Variants in SLC35D4 observed in about 807,000 individuals in gnomAD.
SLC35D4 encodes the protein UDP-N-acetylglucosamine transporter SLC35D4.
the SLC35D4 span, among the ~76,000 whole-genome samples, chr18:23,292,018 G>A: frequency 6.6e-6 from 1 of 152,176 alleles, no homozygotes; most frequent in African/African-American, 2.4e-5. Flanking sequence ...ATGAGTCCCA[G>A]CCACTTGAAC....
the SLC35D4 span, among the ~76,000 whole-genome samples, chr18:23,415,872 C>G: frequency 6.6e-6 from 1 of 152,150 alleles, no homozygotes; most frequent in South Asian, 2.1e-4. Context: ...CTATGTAGAG[C>G]CAATACTGGC....
the SLC35D4 span, among the ~76,000 whole-genome samples, chr18:23,328,443 T>C: frequency 4.6e-5 from 7 of 152,186 alleles, no homozygotes; most frequent in Non-Finnish European, 8.8e-5. Flanking sequence ...ATGAGTGAAG[T>C]CCCATTCACA....
the SLC35D4 span, among the ~76,000 whole-genome samples, chr18:23,319,244 CTTTATTTA>C: frequency 0.14 from 20,102 of 147,262 alleles, 1,571 homozygotes; most frequent in Middle Eastern, 0.21. Context: ...TATTTCAGTG[CTTTATTTA>C]TTTATTTATT....
At chr18:23,301,879 A>G in the SLC35D4 span, among the ~76,000 whole-genome samples, 26 of 152,382 alleles carry the variant, frequency 1.7e-4, no homozygotes, top group African/African-American at 6.0e-4. Flanking sequence ...AAAATGAACA[A>G]TTAAATAGAA....
chr18:23,242,195 T>C, the SLC35D4 span, among the ~76,000 whole-genome samples: 1 of 152,140 alleles, frequency 6.6e-6, no homozygotes, highest in Non-Finnish European at 1.5e-5. Context: ...GGAGAATCGC[T>C]TGAACCCAGG....
the SLC35D4 span, among the ~76,000 whole-genome samples, chr18:23,266,676 A>C: frequency 1.9e-4 from 29 of 152,248 alleles, no homozygotes; most frequent in African/African-American, 6.3e-4. Flanking sequence ...CTTTCTTGAA[A>C]CCAAATTCCC....
the SLC35D4 span, among the ~76,000 whole-genome samples, chr18:23,423,820 T>C: frequency 6.6e-6 from 1 of 152,068 alleles, no homozygotes; most frequent in East Asian, 1.9e-4. Flanking sequence ...AACAATGGCT[T>C]GATTCAAAGC....
At chr18:23,323,223 GT>G in the SLC35D4 span, among the ~76,000 whole-genome samples, 1 of 152,218 alleles carries the variant, frequency 6.6e-6, no homozygotes, top group South Asian at 2.1e-4. Context: ...CTCCAAGGCT[GT>G]GAGGATTTGT....
At chr18:23,279,781 TAGAG>T in the SLC35D4 span, among the ~76,000 whole-genome samples, 3 of 152,154 alleles carry the variant, frequency 2.0e-5, no homozygotes, top group Non-Finnish European at 4.4e-5. Flanking sequence ...TGTTGTTATA[TAGAG>T]AGACATATAT....
the SLC35D4 span, among the ~76,000 whole-genome samples, chr18:23,378,616 G>A: frequency 2.0e-5 from 3 of 152,176 alleles, no homozygotes; most frequent in African/African-American, 7.2e-5. Context: ...TTTGTACTGA[G>A]AACTCATTTG....
chr18:23,240,479 C>T, the SLC35D4 span, among the ~76,000 whole-genome samples: 4 of 152,344 alleles, frequency 2.6e-5, 1 homozygote. Flanking sequence ...CTCCAAAGAC[C>T]CTGGCTCCTT....
chr18:23,329,951 T>C, the SLC35D4 span, among the ~76,000 whole-genome samples: 1 of 152,058 alleles, frequency 6.6e-6, no homozygotes, highest in African/African-American at 2.4e-5. Flanking sequence ...ATCACAAGGA[T>C]AGAAAACCAA....
the SLC35D4 span, among the ~76,000 whole-genome samples, chr18:23,248,512 C>CTTTTTTTTTTTTTTTTT: frequency 3.0e-4 from 27 of 90,728 alleles, 1 homozygote; most frequent in South Asian, 8.6e-4. Flanking sequence ...GACCCTATGT[C>CTTTTTTTTTTTTTTTTT]TTTTTTTTTT....
the SLC35D4 span, chr18:23,356,795 T>C: frequency 1.0e-5 from 7 of 688,880 alleles, no homozygotes; most frequent in South Asian, 1.3e-4. The surrounding 1 kb of genome is among the most constrained non-coding windows in gnomAD (Gnocchi z 4.1). Flanking sequence ...TTGAATTCAC[T>C]CCAGCATTCC....
the SLC35D4 span, among the ~76,000 whole-genome samples, chr18:23,291,738 C>T: frequency 6.6e-6 from 1 of 152,360 alleles, no homozygotes; most frequent in South Asian, 2.1e-4. Context: ...CACATAGCAC[C>T]ATTTCCATCA....
the SLC35D4 span, among the ~76,000 whole-genome samples, chr18:23,328,020 C>A: frequency 6.6e-6 from 1 of 152,162 alleles, no homozygotes; most frequent in African/African-American, 2.4e-5. Flanking sequence ...ATGCTAAAAA[C>A]TCTCAATAAA....
the SLC35D4 span, chr18:23,257,137 A>C: frequency 1.4e-6 from 2 of 1,448,918 alleles, no homozygotes; most frequent in African/African-American, 2.8e-5. Context: ...CTGAGCACTC[A>C]CTGGCTGGTG....
At chr18:23,325,318 G>T in the SLC35D4 span, among the ~76,000 whole-genome samples, 1 of 151,924 alleles carries the variant, frequency 6.6e-6, no homozygotes, top group African/African-American at 2.4e-5. Context: ...AGCTTAAAAA[G>T]GTAGATCAAT....
chr18:23,430,761 A>T, the SLC35D4 span: 10 of 1,312,950 alleles, frequency 7.6e-6, no homozygotes, highest in Non-Finnish European at 9.7e-6. Context: ...TCTATTAAAA[A>T]ACATAACCAC....
Sources: allele counts gnomAD v4.1 joint callset (sites outside exome capture counted in the v4.1 genomes callset), GRCh38; gene constraint gnomAD v4.1.1; non-coding constraint Gnocchi (gnomAD v3.1); transcripts MANE v1.5; gene names NCBI Gene and HGNC (gene_info 2026-07-23, HGNC 2026-07-21).